The following EXOC4 variants were observed in gnomAD, a reference collection of about 807,000 sequenced individuals.
The protein encoded by EXOC4 is exocyst complex component 4.
A neutral mutation model predicts 107.2 loss-of-function variants in EXOC4; 71 were observed. That is an observed-to-expected ratio of 0.66 (90% CI 0.55 to 0.81). The LOEUF is 0.81. Among genes scored for constraint, EXOC4 ranks in the 30% least tolerant of loss-of-function variants. The probability of loss-of-function intolerance (pLI) is 0.00; values close to 1 mark genes in which losing one functional copy is unlikely to be tolerated. For missense variants in EXOC4, 1,108 were observed against 1,189.6 expected, an observed-to-expected ratio of 0.93 and a Z score of 1.01; for synonymous variants, 456 against 441.2, an observed-to-expected ratio of 1.03 and a Z score of -0.42.
intron 13 of EXOC4, among the ~76,000 whole-genome samples, chr7:133,925,214 A>G (rs1800025069): frequency 6.6e-6 from 1 of 152,020 alleles, no homozygotes; most frequent in African/African-American, 2.4e-5. Flanking sequence ...CGTTCCCTTC[A>G]TTACTAAATG....
intron 10 of EXOC4, among the ~76,000 whole-genome samples, chr7:133,803,578 C>T (rs1158343883): frequency 6.6e-6 from 1 of 152,140 alleles, no homozygotes; most frequent in African/African-American, 2.4e-5. Flanking sequence ...AATTCTTCTA[C>T]AGAGTCTAGT....
Position 133,275,096 on chromosome 7 carries a change from A to G in EXOC4, c.201A>G (p.Thr67=). 1.2e-6 allele frequency: 2 copies of G among 1,613,610 alleles called. No individual in the cohort carries two copies. Among genetic ancestry groups the G allele is most frequent in the Non-Finnish European group, 1.7e-6 (2 of 1,179,640 alleles). ...DLDELIVQHY[T]ELTTAIRTYQ... is the part of the protein sequence containing the mutation. Reference sequence around the variant, plus strand: ...ATGAATTGATTGTACAGCACTACACAGAATTGACGACAGCCATTCGCACAT... The same window carrying G: ...ATGAATTGATTGTACAGCACTACACGGAATTGACGACAGCCATTCGCACAT... Residue 67 remains threonine (T), a synonymous_variant, in exon 2 of 18, where the codon ACA becomes ACG. Coordinates refer to ENST00000253861, the MANE Select transcript of EXOC4 (RefSeq NM_021807.4).
At chr7:133,495,443 T>G (rs752444631) in intron 9 of EXOC4, among the ~76,000 whole-genome samples, 1 of 152,200 alleles carries the variant, frequency 6.6e-6, no homozygotes, top group Non-Finnish European at 1.5e-5. Flanking sequence ...ATCTTAAATG[T>G]ACAGCTAAAT....
At chr7:133,489,154 A>G (rs1799325473) in intron 9 of EXOC4, among the ~76,000 whole-genome samples, 1 of 152,014 alleles carries the variant, frequency 6.6e-6, no homozygotes, top group Non-Finnish European at 1.5e-5. Flanking sequence ...GCATAAATAT[A>G]AAAGTCAAGG....
intron 10 of EXOC4, among the ~76,000 whole-genome samples, chr7:133,691,663 G>C (rs1281753720): frequency 6.6e-6 from 1 of 152,132 alleles, no homozygotes; most frequent in African/African-American, 2.4e-5. Context: ...AAAAATATCA[G>C]ATACTTATGA....
At chr7:133,979,515 C>T (rs914168341) in intron 14 of EXOC4, among the ~76,000 whole-genome samples, 5 of 152,070 alleles carry the variant, frequency 3.3e-5, no homozygotes, top group Admixed American at 1.3e-4. Flanking sequence ...CGGCTGGGTG[C>T]GGTGGCTCAC....
At chr7:133,819,071 CCTGCCAGGTG>C (rs1419839716) in intron 11 of EXOC4, among the ~76,000 whole-genome samples, 4 of 152,090 alleles carry the variant, frequency 2.6e-5, no homozygotes, top group African/African-American at 4.8e-5. Context: ...AACAGGAGAT[CCTGCCAGGTG>C]ACACATCCTC....
chr7:133,749,955 G>GTTTT (rs56902982), intron 10 of EXOC4, among the ~76,000 whole-genome samples: 17 of 62,106 alleles, frequency 2.7e-4, no homozygotes, highest in African/African-American at 7.6e-4. Flanking sequence ...GTGGTTGGCA[G>GTTTT]TTTTTTTTTT....
intron 10 of EXOC4, among the ~76,000 whole-genome samples, chr7:133,705,599 A>G (rs905971558): frequency 6.6e-6 from 1 of 152,196 alleles, no homozygotes; most frequent in African/African-American, 2.4e-5. Context: ...TATTTTTGGT[A>G]TATCCAAATT....
At position 133,980,053 on chromosome 7, in the gene EXOC4, G is replaced by A. The variant is rs1690538356; in HGVS notation, c.2207-17439G>A. 2.0e-5 allele frequency among the ~76,000 whole-genome samples: 3 copies of A among 152,098 alleles called. No homozygotes were observed. In the South Asian group the frequency reaches 6.2e-4, roughly 32 times the overall value. ...TTTTATGTATGAAAAGATAAAATTT[G>A]AACCTGCCCTCTGCCTTAATCCCTT... On this transcript the variant is annotated intron_variant, in intron 14 of 17. Transcript: ENST00000253861.
At chr7:133,407,858 T>C (rs572599678) in intron 7 of EXOC4, among the ~76,000 whole-genome samples, 1 of 152,302 alleles carries the variant, frequency 6.6e-6, no homozygotes, top group Non-Finnish European at 1.5e-5. Context: ...GTGACACTTT[T>C]TTTTTGTCCT....
chr7:133,809,064 G>A (rs1797151729), intron 10 of EXOC4, among the ~76,000 whole-genome samples: 1 of 151,930 alleles, frequency 6.6e-6, no homozygotes. Context: ...GGATTTAGGG[G>A]GAATGTGCAT....
chr7:133,570,971 G>A (rs1316649976), intron 9 of EXOC4, among the ~76,000 whole-genome samples: 1 of 152,204 alleles, frequency 6.6e-6, no homozygotes, highest in Non-Finnish European at 1.5e-5. Flanking sequence ...GGTGATTTAA[G>A]TATTGGTATC....
rs143426675 is a variant in EXOC4 at position 133,822,812 on chromosome 7, A to G, written c.1734+5268A>G. Among the ~76,000 whole-genome samples the G allele has an allele frequency of 4.9e-4, 75 of 152,348 alleles. 1 individual carries two copies. In the East Asian group the frequency reaches 0.013, roughly 26 times the overall value. ...AGCATACTCTTAACATAACGTCGTC[A>G]TGATACCCAGCGTGAAGTTAGGAAA... On this transcript the variant is annotated intron_variant, in intron 11 of 17. Coordinates refer to ENST00000253861, the MANE Select transcript of EXOC4 (RefSeq NM_021807.4).
intron 7 of EXOC4, among the ~76,000 whole-genome samples, chr7:133,443,438 C>T (rs1798148972): frequency 6.6e-6 from 1 of 152,120 alleles, no homozygotes; most frequent in Non-Finnish European, 1.5e-5. Flanking sequence ...CAGAAATCAG[C>T]CTGTAGATCT....
intron 16 of EXOC4, among the ~76,000 whole-genome samples, chr7:134,005,529 C>G (rs1033989953): frequency 1.3e-5 from 2 of 152,184 alleles, no homozygotes; most frequent in Non-Finnish European, 2.9e-5. Context: ...ACAGAAGCCT[C>G]TGATTAGAGG....
At chr7:133,768,693 G>A (rs1413363241) in intron 10 of EXOC4, among the ~76,000 whole-genome samples, 1 of 151,874 alleles carries the variant, frequency 6.6e-6, no homozygotes, top group Non-Finnish European at 1.5e-5. Context: ...AAAATTTGTT[G>A]CTGAATTTAG....
At chr7:133,985,901 C>G (rs1794103044) in intron 14 of EXOC4, among the ~76,000 whole-genome samples, 1 of 152,160 alleles carries the variant, frequency 6.6e-6, no homozygotes, top group African/African-American at 2.4e-5. Context: ...ATTTCTTCCA[C>G]TTTTCTCCAT....
At chr7:133,307,403 G>A (rs1394500126) in intron 4 of EXOC4, among the ~76,000 whole-genome samples, 1 of 152,172 alleles carries the variant, frequency 6.6e-6, no homozygotes, top group East Asian at 1.9e-4. Context: ...AATGCCTGCT[G>A]ATAAATAGCA....
Sources: gnomAD v4.1 joint callset for allele counts (sites outside exome capture counted in the v4.1 genomes callset) on GRCh38, gnomAD v4.1.1 for gene constraint, MANE v1.5 for transcripts, NCBI Gene and HGNC (gene_info 2026-07-23, HGNC 2026-07-21) for gene names.